Variants in DNAI2 observed in about 807,000 individuals in gnomAD.
DNAI2 encodes dynein, axonemal, intermediate polypeptide 2.
A neutral mutation model predicts 74.7 loss-of-function variants in DNAI2; 63 were observed. That is an observed-to-expected ratio of 0.84 (90% confidence interval 0.69 to 1.04). The LOEUF (loss-of-function observed/expected upper bound fraction) is 1.04. Ranked by LOEUF, DNAI2 falls within the 50% of genes least tolerant of loss-of-function variation. The pLI is 0.00. For synonymous variants in DNAI2, 289 were observed against 314.9 expected (o/e 0.92, Z 0.87); for missense variants, 688 against 803.2 (o/e 0.86, Z 1.73).
intron 1 of DNAI2, among the ~76,000 whole-genome samples, chr17:74,275,108 G>A (rs17192691): frequency 0.28 from 42,296 of 152,092 alleles, 7,368 homozygotes; most frequent in East Asian, 0.78. Context: ...AGTCACTAAC[G>A]CAGCAGGTGA....
chr17:74,310,351 T>C (rs1343438972), intron 11 of DNAI2, among the ~76,000 whole-genome samples, 188 bp downstream of exon 11: 1 of 149,274 alleles, frequency 6.7e-6, no homozygotes, highest in Admixed American at 6.8e-5. Context: ...GCTCAACTGC[T>C]GGGTAGCTAA....
At chr17:74,292,160 T>G (rs2052149659) in intron 6 of DNAI2, among the ~76,000 whole-genome samples, 1 of 152,218 alleles carries the variant, frequency 6.6e-6, no homozygotes, top group South Asian at 2.1e-4. Flanking sequence ...CCACCATGCC[T>G]GGCCGCTATT....
intron 12 of DNAI2, among the ~76,000 whole-genome samples, chr17:74,312,901 G>T (rs1357476359): frequency 6.6e-6 from 1 of 152,156 alleles, no homozygotes; most frequent in Non-Finnish European, 1.5e-5. Context: ...AGGCCCCACA[G>T]ATAAGATGCC....
intron 6 of DNAI2, among the ~76,000 whole-genome samples, chr17:74,298,403 C>T (rs1394744816): frequency 6.6e-6 from 1 of 152,166 alleles, no homozygotes; most frequent in Non-Finnish European, 1.5e-5. Context: ...CTCCCAGGTG[C>T]GAGTGATTCT....
intron 1 of DNAI2, among the ~76,000 whole-genome samples, chr17:74,276,280 T>G (rs2143832849): frequency 6.6e-6 from 1 of 152,326 alleles, no homozygotes; most frequent in Middle Eastern, 3.4e-3. Context: ...GCCTGAATCT[T>G]TGATGTCTGG....
chr17:74,309,617 C>A (rs758608515), intron 10 of DNAI2: 55 of 707,812 alleles, frequency 7.8e-5, no homozygotes, highest in Non-Finnish European at 1.2e-4. Flanking sequence ...AACAGAACCA[C>A]CTGGGGGAAA....
chr17:74,301,227 G>A, intron 8 of DNAI2, 59 bp downstream of exon 8: 1 of 1,607,970 alleles, frequency 6.2e-7, no homozygotes. Context: ...CAGGGCTAAA[G>A]ACAGGCCATT....
At position 74,313,981 on chromosome 17, in the gene DNAI2, G is replaced by T. The variant is rs186834818; in HGVS notation, c.1723-140G>T. The T allele has an allele frequency of 4.0e-4, 564 of 1,393,812 alleles. 7 individuals carry two copies. The East Asian group carries it at 0.013, about 31-fold the overall frequency. The allele number at this position is 1,393,812 out of a possible 1,614,324, so 86.3% of individuals were successfully genotyped here. On this transcript the variant is annotated intron_variant, in intron 12 of 13. Coordinates refer to ENST00000311014, the MANE Select transcript of DNAI2 (RefSeq NM_023036.6). ...TGGGCCCTCACCAGCCGCAGAGCTG[G>T]CACCCGGGTTCCAGGGTGCTCAGCG...
intron 2 of DNAI2, among the ~76,000 whole-genome samples, chr17:74,282,645 A>G (rs916040263): frequency 6.6e-6 from 1 of 152,188 alleles, no homozygotes; most frequent in African/African-American, 2.4e-5. Flanking sequence ...TCTACAGGCA[A>G]CTACCCAGCT....
At chr17:74,283,917 C>T (rs940757214) in intron 2 of DNAI2, among the ~76,000 whole-genome samples, 2 of 152,052 alleles carry the variant, frequency 1.3e-5, no homozygotes, top group South Asian at 2.1e-4. Flanking sequence ...GCCAGTGGAT[C>T]ACCTGAGGTC....
chr17:74,275,241 G>A (rs1025308874), intron 1 of DNAI2, among the ~76,000 whole-genome samples: 1 of 152,120 alleles, frequency 6.6e-6, no homozygotes, highest in Non-Finnish European at 1.5e-5. Context: ...GACCCCCATC[G>A]GTCTCCAATT....
rs1598293139 is a variant in DNAI2, at chr17:74,291,052, C to G, written c.643C>G (p.Pro215Ala). Residue 215 changes from proline (P) to alanine (A), a missense_variant, in exon 6 of 14, where the codon CCA (proline) becomes GCA (alanine). Coordinates refer to ENST00000311014, the MANE Select transcript of DNAI2 (RefSeq NM_023036.6). ...NPNKPELALK[P>A]SSPLVTLEFN... ...CAACAAGCCTGAACTTGCTCTGAAG[C>G]CATCGTCTCCACTCGTGACGTTGGA... 2 of 1,614,222 alleles carry G rather than the reference C, an allele frequency of 1.2e-6. No individual in the cohort carries two copies. Among genetic ancestry groups the G allele is most frequent in the African/African-American group, 1.3e-5 (1 of 75,058 alleles).
rs535639058 is a variant in DNAI2 at position 74,291,388 on chromosome 17, T to C, written c.724+255T>C. Among the ~76,000 whole-genome samples the C allele has an allele frequency of 2.0e-5, 3 of 152,302 alleles. No individual in the cohort carries two copies. In the East Asian group the frequency reaches 5.8e-4, roughly 29 times the overall value. On this transcript the variant is annotated intron_variant, in intron 6 of 13. Coordinates refer to ENST00000311014, the MANE Select transcript of DNAI2 (RefSeq NM_023036.6). ...CATGTTGGCCAGGCTGGTCTCGCAC[T>C]CCTGACCTCAGGTGATTCACCCACC... is the stretch of plus-strand genomic sequence containing the variant.
rs1348634580 is a variant in DNAI2 at position 74,314,236 on chromosome 17, G to A, written c.*20G>A. ...GCCTAGAAGTCAGCCTTCGACTGCG[G>A]CGCTATCCCTGTGTGCCTTCCTTTC... On this transcript the variant is annotated 3_prime_UTR_variant, in exon 13 of 14. Transcript: ENST00000311014. 1 of 1,613,832 alleles carries A rather than the reference G, an allele frequency of 6.2e-7. No individual in the cohort carries two copies. The highest frequency in any genetic ancestry group is 8.5e-7 in the Non-Finnish European group (1 of 1,179,794).
At chr17:74,296,573 A>C (rs938967765) in intron 6 of DNAI2, among the ~76,000 whole-genome samples, 9 of 152,098 alleles carry the variant, frequency 5.9e-5, no homozygotes, top group African/African-American at 2.2e-4. Flanking sequence ...CCTGTTATCC[A>C]CTGCCTCAGG....
intron 1 of DNAI2, among the ~76,000 whole-genome samples, chr17:74,279,145 T>C (rs1477414727): frequency 6.6e-6 from 1 of 152,060 alleles, no homozygotes; most frequent in Non-Finnish European, 1.5e-5. Context: ...CCAGCCTGGG[T>C]GACAGAGGGA....
chr17:74,287,682 T>C (rs2143927064), intron 4 of DNAI2, among the ~76,000 whole-genome samples: 1 of 152,268 alleles, frequency 6.6e-6, no homozygotes, highest in South Asian at 2.1e-4. Context: ...AGTCTGGGCA[T>C]GGTGGCTCAC....
intron 8 of DNAI2, among the ~76,000 whole-genome samples, chr17:74,303,626 A>C (rs1473166247): frequency 7.0e-5 from 6 of 85,524 alleles, no homozygotes; most frequent in African/African-American, 1.5e-4. Flanking sequence ...ACAGAGTCTC[A>C]CTCTTGCCCA....
intron 3 of DNAI2, among the ~76,000 whole-genome samples, chr17:74,285,442 T>G (rs547050991): frequency 6.6e-6 from 1 of 152,256 alleles, no homozygotes; most frequent in South Asian, 2.1e-4. Flanking sequence ...GAGTCTGACC[T>G]TGGGCAAAGG....
Sources: gnomAD v4.1 joint callset for allele counts (sites outside exome capture counted in the v4.1 genomes callset) on GRCh38, gnomAD v4.1.1 for gene constraint, MANE v1.5 for transcripts, NCBI Gene and HGNC (gene_info 2026-07-23, HGNC 2026-07-21) for gene names.